PAX7: variants seen among roughly 807,000 people sequenced by gnomAD.
The protein encoded by PAX7 is paired box 7.
Under a neutral mutation model 50.7 loss-of-function variants are expected in PAX7, and 18 were observed. The ratio of observed to expected loss-of-function variants is 0.36; its 90% confidence interval spans 0.25 to 0.53. PAX7 has a LOEUF of 0.53. Ranked by LOEUF, PAX7 falls within the 20% of genes least tolerant of loss-of-function variation. The pLI is 0.93. For missense variants in PAX7, 644 were observed against 702.9 expected (o/e 0.92, Z 0.95); for synonymous variants, 310 against 290.4 (o/e 1.07, Z -0.69).
chr1:18,710,973 C>T (rs1195400734), intron 7 of PAX7, among the ~76,000 whole-genome samples: 2 of 152,236 alleles, frequency 1.3e-5, no homozygotes, highest in African/African-American at 4.8e-5. Context: ...CAGCTGCGCG[C>T]TCCTCTGCGC....
At chr1:18,647,285 G>A (rs2100448964) in intron 4 of PAX7, among the ~76,000 whole-genome samples, 1 of 152,278 alleles carries the variant, frequency 6.6e-6, no homozygotes, top group East Asian at 1.9e-4. Context: ...GAGGAAAGGA[G>A]AAAGTTGCAG....
chr1:18,639,630 G>A (rs2088218829), intron 4 of PAX7, among the ~76,000 whole-genome samples: 1 of 152,174 alleles, frequency 6.6e-6, no homozygotes, highest in African/African-American at 2.4e-5. Context: ...GAGGAGAGAA[G>A]AGAAAGGAAA....
chr1:18,657,759 C>T (rs898236021), intron 4 of PAX7, among the ~76,000 whole-genome samples: 1 of 152,058 alleles, frequency 6.6e-6, no homozygotes, highest in Non-Finnish European at 1.5e-5. Context: ...CTGGCTCTCT[C>T]TCTCCTCTCT....
Position 18,636,139 on chromosome 1 carries a change from A to C in PAX7, c.452-98A>C, listed in dbSNP as rs2088151433. 3 of 1,254,122 alleles carry C rather than the reference A, an allele frequency of 2.4e-6. No individual in the cohort carries two copies. The highest frequency in any genetic ancestry group is 3.4e-6 in the Non-Finnish European group (3 of 880,582). The allele number at this position is 1,254,122 out of a possible 1,614,324, so 77.7% of individuals were successfully genotyped here. A position where few individuals can be genotyped will look rare whatever the true frequency, so the allele number is the denominator to read the frequency against. On this transcript the variant is annotated intron_variant, in intron 3 of 8. Coordinates refer to ENST00000420770, the MANE Select transcript of PAX7 (RefSeq NM_001135254.2). The surrounding 1 kb of genome is among the most constrained non-coding windows in gnomAD (Gnocchi z 5.1). ...AGGGATGAATGGATATCTGTAAGGAAGCAGGGGGCTTCCTGACTTTCTCCC... is the reference window on the plus strand; with the variant it reads ...AGGGATGAATGGATATCTGTAAGGACGCAGGGGGCTTCCTGACTTTCTCCC...
At chr1:18,713,359 A>G (rs1436553574) in intron 7 of PAX7, among the ~76,000 whole-genome samples, 1 of 152,140 alleles carries the variant, frequency 6.6e-6, no homozygotes, top group African/African-American at 2.4e-5. Context: ...TTGGTGTGAC[A>G]CTTGTATTAT....
Position 18,726,819 on chromosome 1 carries a change from G to C in PAX7, c.1156-8813G>C, listed in dbSNP as rs1201987455. Among the ~76,000 whole-genome samples, 1 of 152,158 alleles carries C rather than the reference G, an allele frequency of 6.6e-6. No homozygotes were observed. The highest frequency in any genetic ancestry group is 2.4e-5 in the African/African-American group (1 of 41,424). On this transcript the variant is annotated intron_variant, in intron 7 of 8. Transcript: ENST00000420770. The surrounding 1 kb of genome is among the most constrained non-coding windows in gnomAD (Gnocchi z 4.8). Reference sequence around the variant, plus strand: ...GAGCCGGCCTCATGAGTCTTTCCAAGTCTGTATATCAAGCTGCACGTGGGA... The same window carrying C: ...GAGCCGGCCTCATGAGTCTTTCCAACTCTGTATATCAAGCTGCACGTGGGA...
intron 4 of PAX7, among the ~76,000 whole-genome samples, chr1:18,680,502 C>T (rs2088883704): frequency 1.3e-5 from 2 of 152,150 alleles, no homozygotes; most frequent in African/African-American, 2.4e-5. Context: ...TTCTGTCTCC[C>T]ATCACTCTCA....
chr1:18,702,002 C>T (rs1262332834), intron 6 of PAX7, among the ~76,000 whole-genome samples: 1 of 152,068 alleles, frequency 6.6e-6, no homozygotes, highest in Non-Finnish European at 1.5e-5. Flanking sequence ...CCCCAGAAGC[C>T]CTGTCCCAGC....
intron 4 of PAX7, among the ~76,000 whole-genome samples, chr1:18,670,025 G>A (rs111467622): frequency 0.12 from 17,277 of 148,092 alleles, 1,183 homozygotes; most frequent in East Asian, 0.27. Context: ...AGAGGTTGCA[G>A]TGAGCCGAGA....
At chr1:18,695,378 GC>G (rs2089137990) in intron 5 of PAX7, among the ~76,000 whole-genome samples, 1 of 152,188 alleles carries the variant, frequency 6.6e-6, no homozygotes, top group African/African-American at 2.4e-5. Flanking sequence ...TGTGTGCCAG[GC>G]GCTGTTCTAG....
chr1:18,729,766 G>A (rs6683313), intron 7 of PAX7, among the ~76,000 whole-genome samples: 32,418 of 151,986 alleles, frequency 0.21, 3,798 homozygotes, highest in Middle Eastern at 0.37. Context: ...TTCCTATAGG[G>A]GAGCACACTC....
rs1282615498 is a variant in PAX7, at chr1:18,632,223, G to T, written c.85+535G>T. On this transcript the variant is annotated intron_variant, in intron 1 of 8. Transcript: ENST00000420770. The surrounding 1 kb of genome is among the most constrained non-coding windows in gnomAD (Gnocchi z 6.3). ...GTCAAACACTCCTGCTTTTCCGCCT[G>T]GAAACAAACTAATTGGAAATAATAA... Among the ~76,000 whole-genome samples, 1 of 152,096 alleles carries T rather than the reference G, an allele frequency of 6.6e-6. No homozygotes were observed. The highest frequency in any genetic ancestry group is 1.5e-5 in the Non-Finnish European group (1 of 68,024).
At chr1:18,731,427 T>A (rs2089645634) in intron 7 of PAX7, among the ~76,000 whole-genome samples, 1 of 152,052 alleles carries the variant, frequency 6.6e-6, no homozygotes, top group South Asian at 2.1e-4. Flanking sequence ...TGGGTGCAAA[T>A]CCCAGCTCTG....
At chr1:18,667,389 A>AG (rs1345658683) in intron 4 of PAX7, among the ~76,000 whole-genome samples, 112 of 123,526 alleles carry the variant, frequency 9.1e-4, no homozygotes, top group African/African-American at 3.0e-3. Flanking sequence ...AGAAGGAAGG[A>AG]GAAAGGAAGG....
chr1:18,674,631 C>T (rs1180079797), intron 4 of PAX7, among the ~76,000 whole-genome samples: 1 of 152,186 alleles, frequency 6.6e-6, no homozygotes, highest in African/African-American at 2.4e-5. Flanking sequence ...CCACCCTTCC[C>T]ATGTGAAAAA....
At chr1:18,643,295 C>T (rs1388257196) in intron 4 of PAX7, among the ~76,000 whole-genome samples, 1 of 152,140 alleles carries the variant, frequency 6.6e-6, no homozygotes, top group African/African-American at 2.4e-5. Flanking sequence ...GCGAACGGAC[C>T]TTTCCATGGC....
chr1:18,635,073 A>T (rs769651150), intron 2 of PAX7, 38 bp from the exon 3 acceptor site: 1 of 1,608,954 alleles, frequency 6.2e-7, no homozygotes, highest in Non-Finnish European at 8.5e-7. Flanking sequence ...CCCCCATCCC[A>T]TCTTTCCACT....
chr1:18,703,071 A>G, intron 6 of PAX7, 23 bp from the exon 7 acceptor site: 5 of 1,604,710 alleles, frequency 3.1e-6, no homozygotes, highest in Non-Finnish European at 4.3e-6. Flanking sequence ...CTTGCTTAGG[A>G]CCTCTCTTGG....
intron 7 of PAX7, among the ~76,000 whole-genome samples, chr1:18,715,458 C>A (rs932130364): frequency 2.6e-5 from 4 of 152,190 alleles, no homozygotes; most frequent in Non-Finnish European, 5.9e-5. Flanking sequence ...CTCATTTAAT[C>A]GTTATAACAT....
Sources: allele counts gnomAD v4.1 joint callset (sites outside exome capture counted in the v4.1 genomes callset), GRCh38; gene constraint gnomAD v4.1.1; non-coding constraint Gnocchi (gnomAD v3.1); transcripts MANE v1.5; gene names NCBI Gene and HGNC (gene_info 2026-07-23, HGNC 2026-07-21).